NTM: variants seen among roughly 807,000 people sequenced by gnomAD.
NTM encodes neurotrimin.
Under a neutral mutation model 42.1 loss-of-function variants are expected in NTM, and 13 were observed. The observed-to-expected ratio is 0.31, with a 90% CI of 0.20 to 0.49. The LOEUF (loss-of-function observed/expected upper bound fraction) is 0.49, where lower values mean the gene tolerates loss of function less well. Among genes scored for constraint, NTM ranks in the 20% least tolerant of loss-of-function variants. The probability of loss-of-function intolerance (pLI) is 0.99; values close to 1 mark genes in which losing one functional copy is unlikely to be tolerated. For missense variants in NTM, 373 were observed against 452.8 expected (o/e 0.82, Z 1.60); for synonymous variants, 187 against 179.2 (o/e 1.04, Z -0.35).
rs756591012 is a variant in NTM at position 132,319,877 on chromosome 11, AGACT to A, written c.934+5178_934+5181del. 1.5e-3 allele frequency among the ~76,000 whole-genome samples: 225 copies of A among 152,322 alleles called. 1 individual carries two copies. Among genetic ancestry groups the A allele is most frequent in the Non-Finnish European group, 1.0e-3 (70 of 68,024 alleles). ...ACGGGAGGCACCCCCCAGTAGGGGCAGACTGACACCTCACACAGCCGGGTACTCC... is the reference window on the plus strand; with the variant it reads ...ACGGGAGGCACCCCCCAGTAGGGGCAGACACCTCACACAGCCGGGTACTCC... On this transcript the variant is annotated intron_variant, in intron 7 of 8. Coordinates refer to ENST00000683400, the MANE Select transcript of NTM (RefSeq NM_001352005.2).
intron 1 of NTM, among the ~76,000 whole-genome samples, chr11:131,684,562 A>G (rs1055507896): frequency 6.6e-6 from 1 of 152,142 alleles, no homozygotes; most frequent in Non-Finnish European, 1.5e-5. Context: ...CGCTTCCTTT[A>G]TGTAGGACAC....
intron 2 of NTM, among the ~76,000 whole-genome samples, chr11:132,117,076 G>A (rs1040047992): frequency 6.6e-6 from 1 of 152,194 alleles, no homozygotes; most frequent in Non-Finnish European, 1.5e-5. Context: ...CAAAGTTCCA[G>A]AATGACTCAC....
chr11:131,624,916 G>A (rs548977922), intron 1 of NTM, among the ~76,000 whole-genome samples: 1 of 152,278 alleles, frequency 6.6e-6, no homozygotes, highest in African/African-American at 2.4e-5. Context: ...AGTTTAGTTG[G>A]CTGCATTCAT....
intron 2 of NTM, among the ~76,000 whole-genome samples, chr11:131,952,929 C>T (rs140023096): frequency 9.2e-5 from 14 of 152,264 alleles, no homozygotes; most frequent in Non-Finnish European, 1.9e-4. Flanking sequence ...ACCTTAGAGA[C>T]ATTTTGCTGT....
intron 1 of NTM, among the ~76,000 whole-genome samples, chr11:131,710,449 G>A (rs1367305060): frequency 6.6e-6 from 1 of 152,088 alleles, no homozygotes; most frequent in Admixed American, 6.5e-5. Flanking sequence ...GGAAAGAGTT[G>A]CTCTCCCAGA....
At chr11:131,462,737 A>G (rs904146213) in intron 1 of NTM, among the ~76,000 whole-genome samples, 25 of 148,014 alleles carry the variant, frequency 1.7e-4, no homozygotes, top group African/African-American at 6.0e-4. Flanking sequence ...AACTTCCAGG[A>G]AGGGCCTGGC....
intron 1 of NTM, among the ~76,000 whole-genome samples, chr11:131,592,101 T>C (rs761188058): frequency 3.3e-5 from 5 of 152,202 alleles, no homozygotes; most frequent in Non-Finnish European, 7.3e-5. Flanking sequence ...AGGAAACTAT[T>C]TTTATTGGGC....
chr11:131,467,854 A>G (rs1190273637), intron 1 of NTM, among the ~76,000 whole-genome samples: 5 of 152,162 alleles, frequency 3.3e-5, no homozygotes, highest in African/African-American at 1.2e-4. Context: ...GTGACCTCTG[A>G]GTGAGCTGTT....
intron 1 of NTM, among the ~76,000 whole-genome samples, chr11:131,391,930 C>G (rs1944061310): frequency 6.6e-6 from 1 of 152,186 alleles, no homozygotes; most frequent in South Asian, 2.1e-4. Context: ...TCTGCTGAAA[C>G]TATTGGAAGA....
At chr11:131,986,396 A>AG in intron 2 of NTM, among the ~76,000 whole-genome samples, 2 of 152,328 alleles carry the variant, frequency 1.3e-5, no homozygotes. Flanking sequence ...ATCACTTTGC[A>AG]GACTACAGAA....
At chr11:132,329,677 C>A (rs2095759049) in intron 7 of NTM, among the ~76,000 whole-genome samples, 1 of 152,246 alleles carries the variant, frequency 6.6e-6, no homozygotes, top group South Asian at 2.1e-4. Flanking sequence ...ACAGCATGAG[C>A]ACCTACATTC....
At chr11:131,933,294 G>T (rs1006209440) in intron 2 of NTM, among the ~76,000 whole-genome samples, 1 of 152,170 alleles carries the variant, frequency 6.6e-6, no homozygotes, top group Non-Finnish European at 1.5e-5. Context: ...CCCTACACCC[G>T]CAGGCATCAC....
chr11:131,913,168 A>C lies in NTM; in HGVS notation c.167+1520A>C, dbSNP rs185304641. On this transcript the variant is annotated intron_variant, in intron 2 of 8. Coordinates refer to ENST00000683400, the MANE Select transcript of NTM (RefSeq NM_001352005.2). The stretch of plus-strand genomic sequence containing the variant: ...GCAGTGATTTCAGACTACTTAAATA[A>C]AAAACCAAAAATAAATGTCTAGAGC... Among the ~76,000 whole-genome samples the C allele has an allele frequency of 2.6e-5, 4 of 152,354 alleles. No homozygotes were observed. In the East Asian group the frequency reaches 5.8e-4, roughly 22 times the overall value.
At chr11:131,584,211 C>T (rs2058660096) in intron 1 of NTM, among the ~76,000 whole-genome samples, 1 of 152,196 alleles carries the variant, frequency 6.6e-6, no homozygotes. Flanking sequence ...GGACTTACGA[C>T]GTCCCCATCG....
chr11:131,555,134 G>C (rs558564988), intron 1 of NTM, among the ~76,000 whole-genome samples: 2 of 152,200 alleles, frequency 1.3e-5, no homozygotes, highest in South Asian at 2.1e-4. Flanking sequence ...TGCACTCCAG[G>C]CTGGGCAGTG....
rs1380487408 is a variant in NTM, at chr11:132,335,900, A to G, written c.*754A>G. ...AAGGGTGAAGAGAAGTATGTTTGTT[A>G]AACAGTAAAAATGAATAGTATACTT... On this transcript the variant is annotated 3_prime_UTR_variant, in exon 9 of 9. Transcript: ENST00000683400. The G allele has an allele frequency of 6.5e-6, 1 of 152,756 alleles. No homozygotes were observed. Among genetic ancestry groups the G allele is most frequent in the South Asian group, 2.1e-4 (1 of 4,820 alleles). 9.5% of individuals were successfully genotyped at this position (152,756 alleles called of 1,614,324 possible).
In NTM at chr11:131,582,778, C is replaced by T. The variant is rs558313841; in HGVS notation, c.82+211890C>T. On this transcript the variant is annotated intron_variant, in intron 1 of 8. Transcript: ENST00000683400. ...CTTTTCTGTTAGACAAACAACAACC[C>T]CCACGCCCCCTTCCCCCACCAAAAA... Among the ~76,000 whole-genome samples the T allele has an allele frequency of 8.1e-4, 123 of 152,174 alleles. 1 individual carries two copies. Among genetic ancestry groups the T allele is most frequent in the African/African-American group, 2.9e-3 (119 of 41,510 alleles).
intron 4 of NTM, among the ~76,000 whole-genome samples, chr11:132,275,702 GTA>G (rs530250021): frequency 9.7e-5 from 7 of 72,034 alleles, no homozygotes; most frequent in African/African-American, 1.9e-4. Flanking sequence ...ATATATATAT[GTA>G]TATATATATG....
chr11:132,023,434 G>C (rs1034774258), intron 2 of NTM, among the ~76,000 whole-genome samples: 5 of 152,214 alleles, frequency 3.3e-5, no homozygotes, highest in Non-Finnish European at 5.9e-5. Context: ...TCTGGTCACA[G>C]CTGGGCCTGT....
Sources: allele counts gnomAD v4.1 joint callset (sites outside exome capture counted in the v4.1 genomes callset), GRCh38; gene constraint gnomAD v4.1.1; transcripts MANE v1.5; gene names NCBI Gene and HGNC (gene_info 2026-07-23, HGNC 2026-07-21).